The following SEMA3A variants were observed in gnomAD, a reference collection of about 807,000 sequenced individuals.
SEMA3A encodes semaphorin 3A, also known as semaphorin-3A.
A neutral mutation model predicts 97.9 loss-of-function variants in SEMA3A; 29 were observed. The ratio of observed to expected loss-of-function variants is 0.30; its 90% CI spans 0.22 to 0.40. The LOEUF is 0.40. Ranked by LOEUF, SEMA3A falls within the 10% of genes least tolerant of loss-of-function variation. SEMA3A has a pLI of 1.00. For synonymous variants in SEMA3A, 321 were observed against 323.7 expected (o/e 0.99, Z 0.09); for missense variants, 763 against 951.3 (o/e 0.80, Z 2.60).
intron 6 of SEMA3A, among the ~76,000 whole-genome samples, chr7:84,039,201 C>A (rs1437036059): frequency 1.3e-5 from 2 of 152,114 alleles, no homozygotes; most frequent in Non-Finnish European, 2.9e-5. Context: ...CTGTCTCATG[C>A]ATTCTCAGAA....
chr7:84,238,438 C>T (rs563127936), intron 3 of SEMA3A, among the ~76,000 whole-genome samples: 1 of 152,154 alleles, frequency 6.6e-6, no homozygotes, highest in Admixed American at 6.5e-5. Context: ...TGGAAGTCTA[C>T]ACCACTTAAT....
At chr7:84,051,390 C>G (rs554967667) in intron 5 of SEMA3A, among the ~76,000 whole-genome samples, 1 of 152,152 alleles carries the variant, frequency 6.6e-6, no homozygotes, top group Non-Finnish European at 1.5e-5. Context: ...TTTCCTTGAG[C>G]AGTGATTTGT....
chr7:84,224,925 C>T (rs532019856), intron 3 of SEMA3A, among the ~76,000 whole-genome samples: 1 of 151,990 alleles, frequency 6.6e-6, no homozygotes, highest in South Asian at 2.1e-4. Flanking sequence ...CCAACTCCTG[C>T]TATGAAAATA....
chr7:83,972,862 T>C (rs186790217), intron 15 of SEMA3A, among the ~76,000 whole-genome samples: 1 of 152,240 alleles, frequency 6.6e-6, no homozygotes, highest in Non-Finnish European at 1.5e-5. Flanking sequence ...ATAATATGAA[T>C]AATTAGACTT....
intron 4 of SEMA3A, among the ~76,000 whole-genome samples, chr7:84,082,878 A>G (rs1272897078): frequency 1.3e-5 from 2 of 151,972 alleles, no homozygotes; most frequent in Non-Finnish European, 2.9e-5. Flanking sequence ...ACATATTCAA[A>G]TCTTGTCTCC....
rs1788272938 is a variant in SEMA3A at position 83,956,049 on chromosome 7, G to A, written c.*5322C>T. ...GGTTGACATATTCAAGATGAAGGTGGGTCTCATTTTTTAAAAAACTTTTTT... is the reference window on the plus strand; with the variant it reads ...GGTTGACATATTCAAGATGAAGGTGAGTCTCATTTTTTAAAAAACTTTTTT... On this transcript the variant is annotated 3_prime_UTR_variant, in exon 17 of 17. Transcript: ENST00000265362. 1 of 152,032 alleles carries A rather than the reference G, an allele frequency of 6.6e-6. No homozygotes were observed. The highest frequency in any genetic ancestry group is 2.1e-4 in the South Asian group (1 of 4,822). The allele number at this position is 152,032 out of a possible 1,614,324, so 9.4% of individuals were successfully genotyped here. A position where few individuals can be genotyped will look rare whatever the true frequency, so the allele number is the denominator to read the frequency against.
chr7:84,198,114 C>A (rs1584115970), upstream of SEMA3A, among the ~76,000 whole-genome samples: 1 of 152,130 alleles, frequency 6.6e-6, no homozygotes, highest in East Asian at 1.9e-4. Context: ...ACACCATACA[C>A]CATAACCATT....
rs531835858 is a variant in SEMA3A at position 84,042,043 on chromosome 7, A to T, written c.667+4281T>A. On this transcript the variant is annotated intron_variant, in intron 6 of 16. Coordinates refer to ENST00000265362, the MANE Select transcript of SEMA3A (RefSeq NM_006080.3). ...TGAGATTGGGTATCTGGTAACGTGT[A>T]ATGTTAACTTGCGTATTCATAGTTT... Among the ~76,000 whole-genome samples, 27 of 152,234 alleles carry T rather than the reference A, an allele frequency of 1.8e-4. 2 individuals are homozygous for T. In the South Asian group the frequency reaches 5.6e-3, roughly 32 times the overall value.
chr7:84,426,469 A>C lies in SEMA3A; in HGVS notation c.-245-54569T>G, dbSNP rs192289172. Reference sequence around the variant, plus strand: ...CAGAGAATGTAACAGAATGAAACTAACACTGCACAAATTATGTAGTGATAA... The same window carrying C: ...CAGAGAATGTAACAGAATGAAACTACCACTGCACAAATTATGTAGTGATAA... On this transcript the variant is annotated intron_variant, in intron 1 of 3. Coordinates refer to the SEMA3A transcript ENST00000424555. Among the ~76,000 whole-genome samples the C allele has an allele frequency of 8.3e-4, 127 of 152,224 alleles. 1 individual carries two copies. Among genetic ancestry groups the C allele is most frequent in the Middle Eastern group, 3.4e-3 (1 of 294 alleles).
chr7:84,327,459 T>A (rs886826326), intron 2 of SEMA3A, among the ~76,000 whole-genome samples: 2 of 151,834 alleles, frequency 1.3e-5, no homozygotes, highest in African/African-American at 4.8e-5. Context: ...TGGGAAATAA[T>A]GAACCATTGA....
chr7:84,341,075 A>G (rs1324356624), intron 2 of SEMA3A, among the ~76,000 whole-genome samples: 2 of 152,328 alleles, frequency 1.3e-5, no homozygotes, highest in African/African-American at 4.8e-5. Flanking sequence ...AAAACAAAGA[A>G]AAACAGATAA....
chr7:84,083,745 G>T (rs1165292516), intron 4 of SEMA3A, among the ~76,000 whole-genome samples: 1 of 151,814 alleles, frequency 6.6e-6, no homozygotes, highest in Non-Finnish European at 1.5e-5. Flanking sequence ...AAGTAATAAA[G>T]ACTTTTTATC....
chr7:84,278,179 G>A (rs1351486213), intron 3 of SEMA3A, among the ~76,000 whole-genome samples: 3 of 152,094 alleles, frequency 2.0e-5, no homozygotes, highest in African/African-American at 4.8e-5. Flanking sequence ...CCCTAGGGCA[G>A]GGGTACAATA....
chr7:84,078,753 C>T (rs4469400), intron 4 of SEMA3A, among the ~76,000 whole-genome samples: 19,053 of 151,598 alleles, frequency 0.13, 1,264 homozygotes, highest in South Asian at 0.15. Context: ...GTTATATATA[C>T]ACATATATAT....
rs1792761189 is a variant in SEMA3A at position 84,053,096 on chromosome 7, G to C, written c.548-6653C>G. Reference sequence around the variant, plus strand: ...TGAGAGATAGTTTGTTATAATTTCTGTTCTTTTACATTTGCTGAGGAGAGC... The same window carrying C: ...TGAGAGATAGTTTGTTATAATTTCTCTTCTTTTACATTTGCTGAGGAGAGC... On this transcript the variant is annotated intron_variant, in intron 5 of 16. Coordinates refer to ENST00000265362, the MANE Select transcript of SEMA3A (RefSeq NM_006080.3). Among the ~76,000 whole-genome samples, 4 of 143,668 alleles carry C rather than the reference G, an allele frequency of 2.8e-5. 1 individual carries two copies. In the South Asian group the frequency reaches 9.7e-4, roughly 35 times the overall value. 94.3% of individuals were successfully genotyped at this position (143,668 alleles called of 152,430 possible).
chr7:84,308,365 A>C (rs1801219403), intron 2 of SEMA3A, among the ~76,000 whole-genome samples: 1 of 152,230 alleles, frequency 6.6e-6, no homozygotes, highest in African/African-American at 2.4e-5. Flanking sequence ...TGTATATACA[A>C]GCATTTAAAA....
chr7:84,154,893 T>C (rs1796793898), intron 1 of SEMA3A, among the ~76,000 whole-genome samples: 1 of 152,074 alleles, frequency 6.6e-6, no homozygotes, highest in Non-Finnish European at 1.5e-5. Context: ...ACAATATTTT[T>C]AGAAAATATA....
chr7:83,976,479 A>G (rs1007662026), intron 15 of SEMA3A, among the ~76,000 whole-genome samples: 3 of 152,090 alleles, frequency 2.0e-5, no homozygotes, highest in Non-Finnish European at 4.4e-5. Flanking sequence ...ATAATGTTTC[A>G]ATTATGGAAA....
chr7:84,374,559 C>T (rs1004424025), intron 1 of SEMA3A, among the ~76,000 whole-genome samples: 7 of 152,140 alleles, frequency 4.6e-5, no homozygotes, highest in African/African-American at 2.4e-5. Context: ...AGGTGTTGTG[C>T]TTATATTATC....
Sources: gnomAD v4.1 joint callset for allele counts (sites outside exome capture counted in the v4.1 genomes callset) on GRCh38, gnomAD v4.1.1 for gene constraint, MANE v1.5 for transcripts, NCBI Gene and HGNC (gene_info 2026-07-23, HGNC 2026-07-21) for gene names.